Variants in ADARB2 observed in about 807,000 individuals in gnomAD.
The protein encoded by ADARB2 is inactive double-stranded RNA-specific editase B2.
ADARB2 carries 25 observed loss-of-function variants against 62.2 expected under a neutral mutation model. The ratio of observed to expected loss-of-function variants is 0.40; its 90% CI spans 0.29 to 0.56. The LOEUF is 0.56. Ranked by LOEUF, ADARB2 falls within the 20% of genes least tolerant of loss-of-function variation. The pLI is 0.43. For missense variants in ADARB2, 1,071 were observed against 1,077.4 expected, an observed-to-expected ratio of 0.99 and a Z score of 0.08; for synonymous variants, 572 against 500.8, an observed-to-expected ratio of 1.14 and a Z score of -1.90.
At chr10:1,449,652 C>A (rs1175357107) in intron 1 of ADARB2, among the ~76,000 whole-genome samples, 1 of 152,156 alleles carries the variant, frequency 6.6e-6, no homozygotes. Flanking sequence ...CCCTGAGAGT[C>A]AGGACCTCAT....
intron 2 of ADARB2, among the ~76,000 whole-genome samples, chr10:1,375,524 G>A (rs372846937): frequency 6.6e-6 from 1 of 152,226 alleles, no homozygotes; most frequent in Non-Finnish European, 1.5e-5. Context: ...GACCCTGTGA[G>A]GTTGTGGGCA....
rs559426430 is a variant in ADARB2, at chr10:1,531,336, C to A, written c.101-152176G>T. On this transcript the variant is annotated intron_variant, in intron 1 of 9. Coordinates refer to ENST00000381312, the MANE Select transcript of ADARB2 (RefSeq NM_018702.4). ...GCATGCCAAGGGCTCCTCCTCCAGG[C>A]AGCCCTTCGCGAGAGGCATGGCCAA... 3.3e-5 allele frequency among the ~76,000 whole-genome samples: 5 copies of A among 152,330 alleles called. No individual in the cohort carries two copies. The East Asian group carries it at 9.6e-4, about 29-fold the overall frequency.
chr10:1,368,694 A>G, intron 2 of ADARB2, among the ~76,000 whole-genome samples: 1 of 152,226 alleles, frequency 6.6e-6, no homozygotes, highest in East Asian at 1.9e-4. Flanking sequence ...TCGTTCTCAC[A>G]AAACCTTCCA....
At chr10:1,656,378 C>A (rs73587129) in intron 1 of ADARB2, among the ~76,000 whole-genome samples, 23,059 of 152,152 alleles carry the variant, frequency 0.15, 2,697 homozygotes, top group African/African-American at 0.33. Flanking sequence ...TTCTCTTCTG[C>A]CATGACTCCT....
At chr10:1,251,308 T>C (rs778583630) in intron 4 of ADARB2, among the ~76,000 whole-genome samples, 3 of 152,148 alleles carry the variant, frequency 2.0e-5, no homozygotes, top group Non-Finnish European at 4.4e-5. Flanking sequence ...AAAAGTTAAG[T>C]AAAAGAAGCT....
intron 1 of ADARB2, among the ~76,000 whole-genome samples, chr10:1,732,036 T>A (rs1835239883): frequency 6.6e-6 from 1 of 152,156 alleles, no homozygotes; most frequent in Non-Finnish European, 1.5e-5. Flanking sequence ...AGAAACAGAG[T>A]ATTACAATAA....
intron 1 of ADARB2, among the ~76,000 whole-genome samples, chr10:1,696,096 C>A (rs1004122576): frequency 6.6e-6 from 1 of 151,832 alleles, no homozygotes; most frequent in Non-Finnish European, 1.5e-5. Flanking sequence ...TGTCTGTGTG[C>A]ATATATGCAC....
chr10:1,233,055 T>C (rs1830824667), intron 6 of ADARB2, among the ~76,000 whole-genome samples: 1 of 151,958 alleles, frequency 6.6e-6, no homozygotes, highest in Non-Finnish European at 1.5e-5. Flanking sequence ...TATCATGGAG[T>C]TGCTGATGTC....
At chr10:1,599,870 C>T (rs1833385371) in intron 1 of ADARB2, among the ~76,000 whole-genome samples, 1 of 152,084 alleles carries the variant, frequency 6.6e-6, no homozygotes, top group Non-Finnish European at 1.5e-5. Context: ...CCTCAGCCTC[C>T]CAAGTAGCTA....
rs1471045094 is a variant in ADARB2, at chr10:1,363,476, G to C, written c.629C>G (p.Thr210Arg). ...LAMGGGPGPG[T>R]DFTSDQADFP... is the part of the protein sequence containing the mutation. The stretch of plus-strand genomic sequence containing the variant: ...ATCGGCCTGGTCGGAGGTGAAGTCC[G>C]TGCCGGGGCCCGGGCCCCCGCCCAT... The change falls in exon 3 of 10, where the codon ACG (threonine) becomes AGG (arginine). Residue 210 changes from threonine to arginine, a missense_variant. By Grantham distance (71) the Thr-to-Arg change is moderately conservative. Transcript: ENST00000381312. 2 of 1,489,994 alleles carry C rather than the reference G, an allele frequency of 1.3e-6. No homozygotes were observed. The highest frequency in any genetic ancestry group is 4.8e-5 in the Admixed American group (2 of 41,818). 92.3% of individuals were successfully genotyped at this position (1,489,994 alleles called of 1,614,324 possible).
At chr10:1,560,191 A>AC (rs1832768052) in intron 1 of ADARB2, among the ~76,000 whole-genome samples, 1 of 152,078 alleles carries the variant, frequency 6.6e-6, no homozygotes, top group South Asian at 2.1e-4. Context: ...GTTTTTCTGG[A>AC]CCCCCCAACT....
intron 1 of ADARB2, among the ~76,000 whole-genome samples, chr10:1,613,544 A>T (rs1408022779): frequency 5.3e-5 from 8 of 152,182 alleles, no homozygotes; most frequent in African/African-American, 1.9e-4. Flanking sequence ...AAACAAAAGG[A>T]GTATACAGCA....
chr10:1,412,386 A>C, intron 1 of ADARB2, among the ~76,000 whole-genome samples: 1 of 152,120 alleles, frequency 6.6e-6, no homozygotes, highest in Non-Finnish European at 1.5e-5. Flanking sequence ...TGAACAAATA[A>C]TTTAAAAAAT....
chr10:1,185,634 C>T (rs1296446400), intron 8 of ADARB2, among the ~76,000 whole-genome samples: 1 of 152,184 alleles, frequency 6.6e-6, no homozygotes, highest in Non-Finnish European at 1.5e-5. Context: ...GCCTTTTGTT[C>T]GAAAGTTACG....
At chr10:1,414,713 T>C (rs1317962662) in intron 1 of ADARB2, among the ~76,000 whole-genome samples, 1 of 152,186 alleles carries the variant, frequency 6.6e-6, no homozygotes, top group Non-Finnish European at 1.5e-5. Context: ...TGGCCCCTGG[T>C]CCCACCTTTA....
intron 1 of ADARB2, among the ~76,000 whole-genome samples, chr10:1,561,733 G>A (rs1464940430): frequency 6.6e-6 from 1 of 152,104 alleles, no homozygotes; most frequent in Non-Finnish European, 1.5e-5. Context: ...CCCCCCAGGT[G>A]GAGGTCTGAG....
At chr10:1,458,981 C>T (rs1342082282) in intron 1 of ADARB2, among the ~76,000 whole-genome samples, 1 of 152,116 alleles carries the variant, frequency 6.6e-6, no homozygotes. Context: ...CAAATAAAAA[C>T]TGTAATGAGG....
chr10:1,491,109 G>A (rs1831616062), intron 1 of ADARB2, among the ~76,000 whole-genome samples: 1 of 152,148 alleles, frequency 6.6e-6, no homozygotes. Flanking sequence ...CTCTTGCTCT[G>A]TGGCCCAGGT....
chr10:1,346,915 G>C (rs142600809), intron 3 of ADARB2, among the ~76,000 whole-genome samples: 3 of 152,270 alleles, frequency 2.0e-5, no homozygotes, highest in African/African-American at 7.2e-5. Context: ...CAATGGGGAC[G>C]TGTGCCTGTT....
Sources: gnomAD v4.1 joint callset for allele counts (sites outside exome capture counted in the v4.1 genomes callset) on GRCh38, gnomAD v4.1.1 for gene constraint, MANE v1.5 for transcripts, NCBI Gene and HGNC (gene_info 2026-07-23, HGNC 2026-07-21) for gene names.